RHOC: variants seen among roughly 807,000 people sequenced by gnomAD.
RHOC encodes the protein rho-related GTP-binding protein RhoC.
RHOC carries 13 observed loss-of-function variants against 19.5 expected under a neutral mutation model. The observed-to-expected ratio is 0.67, with a 90% CI of 0.43 to 1.06. The LOEUF (loss-of-function observed/expected upper bound fraction) is 1.06, where lower values mean the gene tolerates loss of function less well. RHOC is among the 50% of genes least tolerant of loss of function. The pLI is 0.00. For synonymous variants in RHOC, 106 were observed against 97.3 expected, an observed-to-expected ratio of 1.09 and a Z score of -0.52; for missense variants, 173 against 256.9, an observed-to-expected ratio of 0.67 and a Z score of 2.23.
chr1:112,703,461 T>G (rs1023585564), intron 3 of RHOC, 183 bp downstream of exon 3: 1 of 737,540 alleles, frequency 1.4e-6, no homozygotes, highest in Non-Finnish European at 2.4e-6. Flanking sequence ...AGCCAGTCTG[T>G]GGGAGAACCA....
chr1:112,706,505 CACACACA>C (rs1557780903), intron 1 of RHOC, among the ~76,000 whole-genome samples: 10 of 65,732 alleles, frequency 1.5e-4, no homozygotes, highest in African/African-American at 5.8e-4. Flanking sequence ...CACACACACA[CACACACA>C]CACACACACA....
intron 2 of RHOC, 72 bp from the exon 3 acceptor site, chr1:112,703,878 A>C: frequency 2.8e-6 from 4 of 1,438,726 alleles, no homozygotes; most frequent in Non-Finnish European, 2.8e-6. Context: ...AGGGCCCCCA[A>C]ACCTCCCTGG....
chr1:112,703,262 C>T, intron 3 of RHOC, 143 bp from the exon 4 acceptor site: 1 of 906,464 alleles, frequency 1.1e-6, no homozygotes, highest in Non-Finnish European at 1.7e-6. Flanking sequence ...TAATCACTGT[C>T]CCACAACATA....
chr1:112,703,278 G>A, intron 3 of RHOC, 159 bp from the exon 4 acceptor site: 1 of 833,042 alleles, frequency 1.2e-6, no homozygotes, highest in Non-Finnish European at 1.9e-6. Context: ...ACATAAATTA[G>A]GTCAGTTTGT....
intron 2 of RHOC, chr1:112,704,878 C>T (rs1191942041): frequency 1.4e-5 from 8 of 586,142 alleles, no homozygotes; most frequent in African/African-American, 3.7e-5. Flanking sequence ...TGAGAAGAAT[C>T]CACCAGGGAA....
At chr1:112,702,069 A>G (rs1171724390) in intron 5 of RHOC, among the ~76,000 whole-genome samples, 2 of 152,212 alleles carry the variant, frequency 1.3e-5, no homozygotes, top group Admixed American at 1.3e-4. Flanking sequence ...ACTTTGCCAT[A>G]ATTATCTTTG....
At position 112,703,670 on chromosome 1, in the gene RHOC, C is replaced by A. The variant is rs1674742572; in HGVS notation, c.130G>T (p.Ala44Ser). ...TGCTTGCCGTCCACCTCAATGTCCGCAATATAGTTCTCAAAGACAGTAGGG... is the reference window on the plus strand; with the variant it reads ...TGCTTGCCGTCCACCTCAATGTCCGAAATATAGTTCTCAAAGACAGTAGGG... ...YVPTVFENYIADIEVDGKQVE... is the reference protein window; with the variant it reads ...YVPTVFENYISDIEVDGKQVE... Residue 44 changes from alanine (A) to serine (S), a missense_variant, in exon 3 of 6, where the codon GCG becomes TCG. Transcript: ENST00000339083. 6.2e-7 allele frequency: 1 copy of A among 1,613,538 alleles called. No individual in the cohort carries two copies. Among genetic ancestry groups the A allele is most frequent in the East Asian group, 2.2e-5 (1 of 44,884 alleles).
chr1:112,702,700 A>G lies in RHOC; in HGVS notation c.278-7T>C. On this transcript the variant is annotated splice_polypyrimidine_tract_variant and splice_region_variant and intron_variant, in intron 4 of 5. Transcript: ENST00000339083. ...CACTTCTCAGGAATGTTTTCTGTGT[A>G]GACATGCACCAACAGGTGTCGGTGC... is the stretch of plus-strand genomic sequence containing the variant. 1 of 1,614,032 alleles carries G rather than the reference A, an allele frequency of 6.2e-7. No homozygotes were observed. The highest frequency in any genetic ancestry group is 8.5e-7 in the Non-Finnish European group (1 of 1,179,964).
At chr1:112,702,751 TG>T (rs375094719) in intron 4 of RHOC, 58 bp from the exon 5 acceptor site, 13 of 1,605,356 alleles carry the variant, frequency 8.1e-6, no homozygotes, top group East Asian at 4.5e-5. Context: ...AAAGCTCCCC[TG>T]GGGGGGCCCT....
At chr1:112,702,477 G>A (rs1468768585) in intron 5 of RHOC, 86 bp downstream of exon 5, 1 of 1,431,676 alleles carries the variant, frequency 7.0e-7, no homozygotes, top group Non-Finnish European at 9.7e-7. Flanking sequence ...CACGGCAGTA[G>A]CTGGAGAGAA....
In RHOC at chr1:112,705,082, C is replaced by T. The variant is rs1390675668; in HGVS notation, c.-8+18G>A. The T allele has an allele frequency of 7.1e-6, 5 of 702,604 alleles. No individual in the cohort carries two copies. The highest frequency in any genetic ancestry group is 1.3e-5 in the Non-Finnish European group (5 of 384,818). 43.5% of individuals were successfully genotyped at this position (702,604 alleles called of 1,614,324 possible). ...GCAGCTTCCCTCACTTCCTCCTTCC[C>T]TGGGGAGGGGAACTGACCTCCAGCC... On this transcript the variant is annotated intron_variant, in intron 2 of 5. Transcript: ENST00000339083.
At chr1:112,706,469 CACACACACACACACACACACACACACA>C in intron 1 of RHOC, among the ~76,000 whole-genome samples, 20 of 3,344 alleles carry the variant, frequency 6.0e-3, no homozygotes, top group South Asian at 0.015. Flanking sequence ...ACACACCACA[CACACACACACACACACACACACACACA>C]CACACACACA....
chr1:112,705,583 A>G, intron 1 of RHOC: 2 of 465,582 alleles, frequency 4.3e-6, no homozygotes, highest in Non-Finnish European at 8.6e-6. Context: ...ATTCCCCAGA[A>G]GACAAGCAAG....
chr1:112,702,867 G>A, intron 4 of RHOC, 132 bp downstream of exon 4: 1 of 1,387,102 alleles, frequency 7.2e-7, no homozygotes, highest in South Asian at 1.3e-5. Context: ...CCACAGTAAA[G>A]GAGACCAACA....
chr1:112,703,455 A>C, intron 3 of RHOC, 189 bp downstream of exon 3: 1 of 731,190 alleles, frequency 1.4e-6, no homozygotes, highest in Non-Finnish European at 2.4e-6. Context: ...TTACAGAGCC[A>C]GTCTGTGGGA....
At chr1:112,702,136 A>C (rs932246055) in intron 5 of RHOC, among the ~76,000 whole-genome samples, 1 of 152,122 alleles carries the variant, frequency 6.6e-6, no homozygotes, top group African/African-American at 2.4e-5. Context: ...CTAGAGAGCC[A>C]CTTACAGGTC....
Position 112,701,279 on chromosome 1 carries a change from G to A in RHOC, c.*261C>T, listed in dbSNP as rs1674615124. 1.1e-6 allele frequency: 1 copy of A among 902,342 alleles called. No individual in the cohort carries two copies. Among genetic ancestry groups the A allele is most frequent in the Non-Finnish European group, 1.7e-6 (1 of 603,692 alleles). 55.9% of individuals were successfully genotyped at this position (902,342 alleles called of 1,614,324 possible). On this transcript the variant is annotated 3_prime_UTR_variant, in exon 6 of 6. Coordinates refer to ENST00000339083, the MANE Select transcript of RHOC (RefSeq NM_175744.5). ...CCAGAAGTGTATAAAGTGCTGGTGT[G>A]TGACCATCCTTTGGGGAAGGTCAAA...
At chr1:112,703,313 C>A in intron 3 of RHOC, 194 bp from the exon 4 acceptor site, 1 of 733,728 alleles carries the variant, frequency 1.4e-6, no homozygotes. Context: ...ACGTGTTTGA[C>A]CCTTGAGTTG....
intron 1 of RHOC, chr1:112,706,806 G>C (rs1176953778): frequency 6.6e-6 from 1 of 152,076 alleles, no homozygotes; most frequent in Non-Finnish European, 1.5e-5. Flanking sequence ...AAGCTGGGAG[G>C]AGAAGGGAAG....
Sources: gnomAD v4.1 joint callset for allele counts (sites outside exome capture counted in the v4.1 genomes callset) on GRCh38, gnomAD v4.1.1 for gene constraint, MANE v1.5 for transcripts, NCBI Gene and HGNC (gene_info 2026-07-23, HGNC 2026-07-21) for gene names.